Variants in EDARADD observed in about 807,000 individuals in gnomAD.
EDARADD encodes the protein EDAR associated via death domain, also known as ectodysplasin-A receptor-associated adapter protein.
In EDARADD, 20 loss-of-function variants were observed where a neutral mutation model predicts 25.6. The observed-to-expected ratio is 0.78, with a 90% confidence interval of 0.55 to 1.14. The LOEUF is 1.14. Ranked by LOEUF, EDARADD falls within the 50% of genes most tolerant of loss-of-function variation. The pLI is 0.00. For missense variants in EDARADD, 225 were observed against 270.1 expected (o/e 0.83, Z 1.17); for synonymous variants, 86 against 94.4 (o/e 0.91, Z 0.52).
intron 4 of EDARADD, among the ~76,000 whole-genome samples, chr1:236,452,444 C>T (rs900787856): frequency 6.6e-6 from 1 of 152,098 alleles, no homozygotes; most frequent in African/African-American, 2.4e-5. Context: ...GCTGTTCTCA[C>T]GACAGTGAGT....
chr1:236,465,507 A>C (rs573951088), intron 4 of EDARADD, among the ~76,000 whole-genome samples: 2 of 152,252 alleles, frequency 1.3e-5, no homozygotes, highest in East Asian at 3.9e-4. Flanking sequence ...AGCAGGGTCC[A>C]TCTCAAACAT....
chr1:236,484,123 T>C lies in EDARADD; in HGVS notation c.*1474T>C. 6.6e-7 allele frequency: 1 copy of C among 1,516,756 alleles called. No homozygotes were observed. Among genetic ancestry groups the C allele is most frequent in the Non-Finnish European group, 9.2e-7 (1 of 1,092,576 alleles). 94.0% of individuals were successfully genotyped at this position (1,516,756 alleles called of 1,614,324 possible). A position where few individuals can be genotyped will look rare whatever the true frequency, so the allele number is the denominator to read the frequency against. On this transcript the variant is annotated 3_prime_UTR_variant, in exon 6 of 6. Coordinates refer to ENST00000334232, the MANE Select transcript of EDARADD (RefSeq NM_145861.4). The surrounding 1 kb of genome is among the most constrained non-coding windows in gnomAD (Gnocchi z 4.1). ...GGAATCCAGGTAGTGGAGGATGATCTCAGAGTGACCAACCCAAAGAGGACA... is the reference window on the plus strand; with the variant it reads ...GGAATCCAGGTAGTGGAGGATGATCCCAGAGTGACCAACCCAAAGAGGACA...
chr1:236,472,969 C>A (rs1056147137), intron 5 of EDARADD, among the ~76,000 whole-genome samples: 1 of 152,170 alleles, frequency 6.6e-6, no homozygotes, highest in African/African-American at 2.4e-5. Context: ...TTGACAATTT[C>A]TAGATAAAGA....
intron 5 of EDARADD, among the ~76,000 whole-genome samples, chr1:236,471,952 C>T (rs1028269146): frequency 2.0e-5 from 3 of 152,184 alleles, no homozygotes; most frequent in Non-Finnish European, 4.4e-5. Flanking sequence ...TGTTAATTGA[C>T]CCATATTTTA....
At position 236,395,272 on chromosome 1, in the gene EDARADD, G is replaced by C. The variant is rs1023940560; in HGVS notation, c.61+767G>C. 3.1e-5 allele frequency: 30 copies of C among 969,676 alleles called. No individual in the cohort carries two copies. The highest frequency in any genetic ancestry group is 3.7e-5 in the Non-Finnish European group (28 of 759,960). 60.1% of individuals were successfully genotyped at this position (969,676 alleles called of 1,614,324 possible). On this transcript the variant is annotated intron_variant, in intron 1 of 5. Transcript: ENST00000334232. The surrounding 1 kb of genome is among the most constrained non-coding windows in gnomAD (Gnocchi z 6.9). Reference sequence around the variant, plus strand: ...CCGCCCAGGGGGACGTGGGTACCGGGCAGGACGCGCGCTCTGGGCGCTGGG... The same window carrying C: ...CCGCCCAGGGGGACGTGGGTACCGGCCAGGACGCGCGCTCTGGGCGCTGGG...
At chr1:236,455,209 TAA>T (rs71178309) in intron 4 of EDARADD, among the ~76,000 whole-genome samples, 140 of 147,596 alleles carry the variant, frequency 9.5e-4, no homozygotes, top group East Asian at 2.2e-3. Flanking sequence ...GGCTCTGTCT[TAA>T]AAAAAAAAAA....
chr1:236,366,000 C>G (rs1387910414), intron 3 of EDARADD, among the ~76,000 whole-genome samples: 1 of 152,148 alleles, frequency 6.6e-6, no homozygotes, highest in Non-Finnish European at 1.5e-5. Context: ...TCTACTTTAA[C>G]TTCTTGAACA....
chr1:236,365,361 A>G (rs1314542120), intron 3 of EDARADD, among the ~76,000 whole-genome samples: 1 of 152,120 alleles, frequency 6.6e-6, no homozygotes, highest in East Asian at 1.9e-4. Context: ...AGGTCTCACT[A>G]TGTTGCCCAG....
At chr1:236,472,367 T>TA (rs1659382110) in intron 5 of EDARADD, among the ~76,000 whole-genome samples, 1 of 152,116 alleles carries the variant, frequency 6.6e-6, no homozygotes, top group Non-Finnish European at 1.5e-5. Context: ...AGGGGAGCTT[T>TA]AAAAAATTCC....
At chr1:236,468,489 T>C (rs1309271888) in intron 5 of EDARADD, among the ~76,000 whole-genome samples, 2 of 152,036 alleles carry the variant, frequency 1.3e-5, no homozygotes, top group African/African-American at 4.8e-5. Flanking sequence ...CTGGTTGTGG[T>C]GGGCGCCTGT....
intron 1 of EDARADD, among the ~76,000 whole-genome samples, chr1:236,405,808 C>A (rs1220253446): frequency 8.0e-6 from 1 of 125,608 alleles, no homozygotes; most frequent in Non-Finnish European, 1.6e-5. Context: ...TTCTTTCTTT[C>A]TTTCCTTCCT....
At chr1:236,471,438 G>A (rs1287799025) in intron 5 of EDARADD, among the ~76,000 whole-genome samples, 1 of 150,402 alleles carries the variant, frequency 6.6e-6, no homozygotes, top group Non-Finnish European at 1.5e-5. Flanking sequence ...TTTTAAATAT[G>A]TTTATTTCCC....
chr1:236,454,299 T>C (rs894597214), intron 4 of EDARADD, among the ~76,000 whole-genome samples: 2 of 152,170 alleles, frequency 1.3e-5, no homozygotes, highest in South Asian at 2.1e-4. Flanking sequence ...CTGCCCGCCT[T>C]GGCCTCCCAA....
intron 5 of EDARADD, among the ~76,000 whole-genome samples, chr1:236,477,244 G>T (rs1332639333): frequency 2.0e-5 from 3 of 152,054 alleles, no homozygotes; most frequent in African/African-American, 7.2e-5. Flanking sequence ...GGCCGGGCAC[G>T]GTGGCTCACA....
intron 3 of EDARADD, among the ~76,000 whole-genome samples, chr1:236,368,750 C>G (rs1667141783): frequency 6.6e-6 from 1 of 152,054 alleles, no homozygotes; most frequent in African/African-American, 2.4e-5. Context: ...TTTATCCAGT[C>G]ATTCTTACAA....
chr1:236,380,657 C>T (rs909289827), intron 3 of EDARADD, among the ~76,000 whole-genome samples: 1 of 152,148 alleles, frequency 6.6e-6, no homozygotes, highest in Admixed American at 6.5e-5. Context: ...CAACCCTAGT[C>T]CTTTCCTAAT....
intron 5 of EDARADD, among the ~76,000 whole-genome samples, chr1:236,479,515 C>G (rs55822906): frequency 1.4e-5 from 2 of 146,578 alleles, no homozygotes; most frequent in Admixed American, 6.9e-5. Context: ...AAAAAAAAAA[C>G]CTCTCTATTC....
At chr1:236,427,938 A>T (rs1027512813) in intron 4 of EDARADD, among the ~76,000 whole-genome samples, 4 of 150,182 alleles carry the variant, frequency 2.7e-5, no homozygotes, top group African/African-American at 7.3e-5. Context: ...CATATTTTTT[A>T]ATTGTAATTT....
At chr1:236,457,576 T>G (rs1253609) in intron 4 of EDARADD, among the ~76,000 whole-genome samples, 86,744 of 151,638 alleles carry the variant, frequency 0.57, 25,256 homozygotes, top group East Asian at 0.87. Flanking sequence ...ATCCCAGCAC[T>G]TTGGGAGGCT....
Sources: allele counts gnomAD v4.1 joint callset (sites outside exome capture counted in the v4.1 genomes callset), GRCh38; gene constraint gnomAD v4.1.1; non-coding constraint Gnocchi (gnomAD v3.1); transcripts MANE v1.5; gene names NCBI Gene and HGNC (gene_info 2026-07-23, HGNC 2026-07-21).